GALNT17: variants seen among roughly 807,000 people sequenced by gnomAD.
GALNT17 encodes polypeptide N-acetylgalactosaminyltransferase 17.
In GALNT17, 29 loss-of-function variants were observed where a neutral mutation model predicts 63.7. The ratio of observed to expected loss-of-function variants is 0.46; its 90% CI spans 0.34 to 0.62. The LOEUF (loss-of-function observed/expected upper bound fraction) is 0.62, where lower values mean the gene tolerates loss of function less well. Among genes scored for constraint, GALNT17 ranks in the 20% least tolerant of loss-of-function variants. The pLI, the probability that GALNT17 is intolerant of heterozygous loss-of-function variation, is 0.01. For synonymous variants in GALNT17, 305 were observed against 318.3 expected, an observed-to-expected ratio of 0.96 and a Z score of 0.45; for missense variants, 603 against 799.6, an observed-to-expected ratio of 0.75 and a Z score of 2.97.
Position 71,713,126 on chromosome 7 carries a change from G to A in GALNT17, c.*980G>A, listed in dbSNP as rs1316200396. 1 of 152,728 alleles carries A rather than the reference G, an allele frequency of 6.5e-6. No homozygotes were observed. The highest frequency in any genetic ancestry group is 2.4e-5 in the African/African-American group (1 of 41,456). The allele number at this position is 152,728 out of a possible 1,614,324, so 9.5% of individuals were successfully genotyped here. On this transcript the variant is annotated 3_prime_UTR_variant, in exon 11 of 11. Coordinates refer to ENST00000333538, the MANE Select transcript of GALNT17 (RefSeq NM_022479.3). Reference sequence around the variant, plus strand: ...AGAGTATTTTTTTCGATTGCCCTCTGGTTAGGGTGCACATATAAATCAGAG... The same window carrying A: ...AGAGTATTTTTTTCGATTGCCCTCTAGTTAGGGTGCACATATAAATCAGAG...
chr7:71,271,409 C>T (rs1436548220), intron 1 of GALNT17, among the ~76,000 whole-genome samples: 4 of 152,160 alleles, frequency 2.6e-5, no homozygotes. Flanking sequence ...GACCAGTGGC[C>T]ACGTGGCTCC....
intron 1 of GALNT17, among the ~76,000 whole-genome samples, chr7:71,133,548 T>C (rs1257226324): frequency 6.6e-6 from 1 of 152,138 alleles, no homozygotes; most frequent in South Asian, 2.1e-4. Flanking sequence ...ATATGTCATC[T>C]GTCTATGAGG....
At chr7:71,517,062 G>A (rs1163175037) in intron 5 of GALNT17, among the ~76,000 whole-genome samples, 1 of 152,186 alleles carries the variant, frequency 6.6e-6, no homozygotes, top group Admixed American at 6.5e-5. Context: ...GTAATGTGGG[G>A]ATGTCAAAGT....
intron 5 of GALNT17, among the ~76,000 whole-genome samples, chr7:71,475,086 C>G (rs1787701549): frequency 6.6e-6 from 1 of 152,056 alleles, no homozygotes; most frequent in Non-Finnish European, 1.5e-5. Context: ...ATTTTGTTCC[C>G]CAGTGAAACT....
intron 6 of GALNT17, among the ~76,000 whole-genome samples, chr7:71,620,768 T>C (rs10254307): frequency 0.077 from 11,765 of 152,306 alleles, 542 homozygotes; most frequent in African/African-American, 0.13. Flanking sequence ...GGAATAATTG[T>C]CAGAAGCATA....
intron 5 of GALNT17, among the ~76,000 whole-genome samples, chr7:71,424,914 A>G (rs752390530): frequency 1.3e-5 from 2 of 152,242 alleles, no homozygotes; most frequent in Admixed American, 1.3e-4. Flanking sequence ...GGTAAGCAAC[A>G]TAATATAGGA....
intron 2 of GALNT17, among the ~76,000 whole-genome samples, chr7:71,353,655 C>G (rs1482025377): frequency 6.6e-6 from 1 of 152,104 alleles, no homozygotes; most frequent in Admixed American, 6.5e-5. Flanking sequence ...GGTGTTGCAT[C>G]TGTTGCATCT....
intron 5 of GALNT17, among the ~76,000 whole-genome samples, chr7:71,521,377 C>G (rs1297684262): frequency 6.6e-6 from 1 of 152,196 alleles, no homozygotes; most frequent in African/African-American, 2.4e-5. Context: ...ACCTCCTTTC[C>G]CAGCAGGAAG....
chr7:71,402,151 T>C (rs1793252333), intron 3 of GALNT17, among the ~76,000 whole-genome samples: 1 of 152,218 alleles, frequency 6.6e-6, no homozygotes, highest in African/African-American at 2.4e-5. Flanking sequence ...GAGGTAATAC[T>C]TGCAAGGCAC....
chr7:71,426,030 G>C (rs1786754889), intron 5 of GALNT17, among the ~76,000 whole-genome samples: 1 of 152,160 alleles, frequency 6.6e-6, no homozygotes, highest in Non-Finnish European at 1.5e-5. Flanking sequence ...CAGATCTCTT[G>C]AGAACTCTAT....
intron 6 of GALNT17, among the ~76,000 whole-genome samples, chr7:71,641,744 G>A (rs1790607330): frequency 6.6e-6 from 1 of 151,986 alleles, no homozygotes; most frequent in Admixed American, 6.6e-5. Context: ...CAGGCCTGTT[G>A]TAGGAATGAA....
intron 1 of GALNT17, among the ~76,000 whole-genome samples, chr7:71,180,540 C>G (rs1788717156): frequency 6.6e-6 from 1 of 152,196 alleles, no homozygotes; most frequent in African/African-American, 2.4e-5. Flanking sequence ...AATGCAGTCT[C>G]TCATTTTGAT....
chr7:71,417,708 G>T (rs1213100003), intron 4 of GALNT17, among the ~76,000 whole-genome samples: 1 of 152,154 alleles, frequency 6.6e-6, no homozygotes, highest in Non-Finnish European at 1.5e-5. Flanking sequence ...AAAGATTCAG[G>T]CGAATGTTCC....
chr7:71,357,222 C>T (rs1027159266), intron 2 of GALNT17, among the ~76,000 whole-genome samples: 13 of 152,140 alleles, frequency 8.5e-5, no homozygotes, highest in African/African-American at 3.1e-4. Flanking sequence ...GGAACTGGGA[C>T]GCACTGCAGG....
intron 6 of GALNT17, among the ~76,000 whole-genome samples, chr7:71,608,912 G>A (rs1790084602): frequency 6.6e-6 from 1 of 151,844 alleles, no homozygotes; most frequent in African/African-American, 2.4e-5. Context: ...CCAAGTAGCT[G>A]GGGACTATAG....
intron 5 of GALNT17, among the ~76,000 whole-genome samples, chr7:71,561,373 A>G (rs910785385): frequency 3.3e-5 from 5 of 152,172 alleles, no homozygotes; most frequent in Non-Finnish European, 7.4e-5. Flanking sequence ...CGGTACTACG[A>G]AAACACTCAG....
chr7:71,275,101 G>A (rs1447632132), intron 1 of GALNT17, among the ~76,000 whole-genome samples: 1 of 152,160 alleles, frequency 6.6e-6, no homozygotes, highest in Non-Finnish European at 1.5e-5. Flanking sequence ...GAAATGGTTT[G>A]TCTTTGCCTA....
chr7:71,660,868 T>C lies in GALNT17; in HGVS notation c.1081-4543T>C, dbSNP rs145087949. Among the ~76,000 whole-genome samples the C allele has an allele frequency of 3.7e-4, 56 of 152,326 alleles. 1 individual carries two copies. The highest frequency in any genetic ancestry group is 1.3e-3 in the African/African-American group (53 of 41,572). Reference sequence around the variant, plus strand: ...CATCACTTAGAGCCAGCCCATGAGCTGTGCTGGTGATCACCCCCAGCCAAC... The same window carrying C: ...CATCACTTAGAGCCAGCCCATGAGCCGTGCTGGTGATCACCCCCAGCCAAC... On this transcript the variant is annotated intron_variant, in intron 6 of 10. Coordinates refer to ENST00000333538, the MANE Select transcript of GALNT17 (RefSeq NM_022479.3).
intron 2 of GALNT17, among the ~76,000 whole-genome samples, chr7:71,376,332 C>G (rs1204840436): frequency 6.8e-6 from 1 of 146,212 alleles, no homozygotes; most frequent in Non-Finnish European, 1.5e-5. Context: ...TTTTTTAGCT[C>G]TGGCCTGAAA....
Sources: allele counts gnomAD v4.1 joint callset (sites outside exome capture counted in the v4.1 genomes callset), GRCh38; gene constraint gnomAD v4.1.1; transcripts MANE v1.5; gene names NCBI Gene and HGNC (gene_info 2026-07-23, HGNC 2026-07-21).